The following TASP1 variants were observed in gnomAD, a reference collection of about 807,000 sequenced individuals.
TASP1 encodes the protein taspase 1.
A neutral mutation model predicts 56.6 loss-of-function variants in TASP1; 16 were observed. The ratio of observed to expected loss-of-function variants is 0.28; its 90% CI spans 0.19 to 0.43. The LOEUF is 0.43. Ranked by LOEUF, TASP1 falls within the 20% of genes least tolerant of loss-of-function variation. The pLI, the probability that TASP1 is intolerant of heterozygous loss-of-function variation, is 1.00. For synonymous variants in TASP1, 179 were observed against 184.2 expected (o/e 0.97, Z 0.23); for missense variants, 393 against 511.6 (o/e 0.77, Z 2.24).
chr20:13,349,436 C>T, the TASP1 span, among the ~76,000 whole-genome samples: 1 of 152,132 alleles, frequency 6.6e-6, no homozygotes, highest in Non-Finnish European at 1.5e-5. Context: ...GACTGAGTCA[C>T]CAAAACCACT....
intron 10 of TASP1, among the ~76,000 whole-genome samples, chr20:13,507,052 TAAAC>T (rs1320172450): frequency 5.9e-5 from 9 of 152,016 alleles, no homozygotes; most frequent in Non-Finnish European, 1.2e-4. Context: ...ACTATTAAAA[TAAAC>T]AAATTCAGTA....
At chr20:13,382,786 C>A in the TASP1 span, among the ~76,000 whole-genome samples, 95 of 152,270 alleles carry the variant, frequency 6.2e-4, no homozygotes, top group African/African-American at 2.1e-3. Flanking sequence ...TTTAAAAATA[C>A]ACTTTCCCTA....
the TASP1 span, among the ~76,000 whole-genome samples, chr20:13,296,785 C>T: frequency 6.6e-6 from 1 of 152,104 alleles, no homozygotes; most frequent in African/African-American, 2.4e-5. Context: ...TTTGGGAGTC[C>T]GAGGTGGGTG....
intron 13 of TASP1, chr20:13,393,820 G>A (rs1020197344): frequency 5.4e-6 from 3 of 553,990 alleles, no homozygotes; most frequent in Non-Finnish European, 6.5e-6. Context: ...GAAGAGGGAG[G>A]GGCCTAGGGA....
intron 10 of TASP1, among the ~76,000 whole-genome samples, chr20:13,487,626 T>C (rs1305755318): frequency 6.6e-6 from 1 of 152,132 alleles, no homozygotes; most frequent in African/African-American, 2.4e-5. Context: ...TGTCTTCTAC[T>C]TGTGGGTATC....
chr20:13,273,215 T>TTTTA, the TASP1 span, among the ~76,000 whole-genome samples: 1 of 130,628 alleles, frequency 7.7e-6, no homozygotes, highest in Non-Finnish European at 1.6e-5. Context: ...ACTTGGGTCT[T>TTTTA]TTTTATTTTA....
chr20:13,420,405 G>C (rs894750722), intron 12 of TASP1, among the ~76,000 whole-genome samples: 1 of 152,246 alleles, frequency 6.6e-6, no homozygotes, highest in African/African-American at 2.4e-5. Flanking sequence ...ATAACTCAAT[G>C]TCTAAAATTT....
chr20:13,485,830 T>C (rs2043302447), intron 10 of TASP1, among the ~76,000 whole-genome samples: 1 of 152,152 alleles, frequency 6.6e-6, no homozygotes, highest in African/African-American at 2.4e-5. Flanking sequence ...TTTAGGACAA[T>C]AATAACTGCT....
rs374806258 is a variant in TASP1, at chr20:13,412,395, GT to G, written c.1170+5052del. 2.2e-3 allele frequency among the ~76,000 whole-genome samples: 334 copies of G among 152,236 alleles called. 1 individual carries two copies. Among genetic ancestry groups the G allele is most frequent in the African/African-American group, 7.8e-3 (324 of 41,528 alleles). On this transcript the variant is annotated intron_variant, in intron 13 of 13. Transcript: ENST00000337743. The stretch of plus-strand genomic sequence containing the variant: ...TCTTTCTGGAATTTAGTTTACTTAG[GT>G]TTTTCTCTACCTAATAACTTCTCTG...
At chr20:13,273,822 C>CTCTATACAAT in the TASP1 span, among the ~76,000 whole-genome samples, 1 of 152,164 alleles carries the variant, frequency 6.6e-6, no homozygotes, top group Non-Finnish European at 1.5e-5. Flanking sequence ...TCTATTTCTG[C>CTCTATACAAT]TCTATACAAT....
At chr20:13,549,520 G>T (rs2045911908) in intron 8 of TASP1, among the ~76,000 whole-genome samples, 1 of 151,864 alleles carries the variant, frequency 6.6e-6, no homozygotes, top group Non-Finnish European at 1.5e-5. Flanking sequence ...ACATGTGTCA[G>T]CATCACCATG....
chr20:13,349,538 G>A, the TASP1 span, among the ~76,000 whole-genome samples: 1 of 152,042 alleles, frequency 6.6e-6, no homozygotes, highest in Non-Finnish European at 1.5e-5. Context: ...TAATGTAAAA[G>A]GATTTTAATT....
At chr20:13,534,370 C>T (rs1241291105) in intron 8 of TASP1, among the ~76,000 whole-genome samples, 2 of 151,286 alleles carry the variant, frequency 1.3e-5, no homozygotes, top group African/African-American at 2.4e-5. Context: ...TATCCTGTTG[C>T]TTTTCTCTAA....
rs151265815 is a variant in TASP1, at chr20:13,633,882, C to G, written c.-74-3730G>C. Among the ~76,000 whole-genome samples, 233 of 151,084 alleles carry G rather than the reference C, an allele frequency of 1.5e-3. 1 individual carries two copies. The highest frequency in any genetic ancestry group is 5.1e-3 in the African/African-American group (212 of 41,194). ...ACTTTAATAATGGCTTTATTTCTGA[C>G]AAAAATGTTTGAACACAGACATTTT... On this transcript the variant is annotated intron_variant, in intron 1 of 13. Transcript: ENST00000337743.
At chr20:13,427,065 T>C (rs1363167579) in intron 12 of TASP1, among the ~76,000 whole-genome samples, 1 of 152,210 alleles carries the variant, frequency 6.6e-6, no homozygotes, top group African/African-American at 2.4e-5. Context: ...CAGAAATGCC[T>C]AGTCATAAGT....
chr20:13,539,651 C>T (rs1221401133), intron 8 of TASP1, among the ~76,000 whole-genome samples: 4 of 152,124 alleles, frequency 2.6e-5, no homozygotes, highest in East Asian at 1.9e-4. Flanking sequence ...ATAAAAATAA[C>T]GTGTTTGAAC....
At chr20:13,612,491 A>AACACACACAC (rs34343791) in intron 4 of TASP1, among the ~76,000 whole-genome samples, 44 of 144,096 alleles carry the variant, frequency 3.1e-4, no homozygotes, top group East Asian at 2.5e-3. Flanking sequence ...ATTTGTAGCA[A>AACACACACAC]ACACACACAC....
At chr20:13,254,199 C>T in the TASP1 span, among the ~76,000 whole-genome samples, 155 of 151,844 alleles carry the variant, frequency 1.0e-3, no homozygotes, top group African/African-American at 3.7e-3. Context: ...CGTCACTGCA[C>T]CCCAGCCTGG....
intron 4 of TASP1, among the ~76,000 whole-genome samples, chr20:13,611,185 T>C (rs2048337282): frequency 6.6e-6 from 1 of 152,214 alleles, no homozygotes; most frequent in African/African-American, 2.4e-5. Flanking sequence ...GCAATCAAGA[T>C]AAATGATGTT....
Sources: allele counts gnomAD v4.1 joint callset (sites outside exome capture counted in the v4.1 genomes callset), GRCh38; gene constraint gnomAD v4.1.1; transcripts MANE v1.5; gene names NCBI Gene and HGNC (gene_info 2026-07-23, HGNC 2026-07-21).